Variants in OTOA observed in about 807,000 individuals in gnomAD.
The protein encoded by OTOA is cancer/testis antigen 108.
Under a neutral mutation model 110.8 loss-of-function variants are expected in OTOA, and 70 were observed. The observed-to-expected ratio is 0.63, with a 90% CI of 0.52 to 0.77. OTOA has a LOEUF of 0.77. OTOA is among the 30% of genes least tolerant of loss of function. OTOA has a pLI of 0.00. For synonymous variants in OTOA, 373 were observed against 431.5 expected, an observed-to-expected ratio of 0.86 and a Z score of 1.68; for missense variants, 917 against 1,075.8, an observed-to-expected ratio of 0.85 and a Z score of 2.06.
chr16:21,685,216 C>T lies in OTOA; in HGVS notation c.268-14C>T. 6.2e-7 allele frequency: 1 copy of T among 1,610,956 alleles called. No individual in the cohort carries two copies. The highest frequency in any genetic ancestry group is 8.5e-7 in the Non-Finnish European group (1 of 1,178,154). ...TTTCTGTTCTCACCGACTCTCCCAA[C>T]ACCCCAAATACAGGCAGCCGTGGAA... On this transcript the variant is annotated splice_polypyrimidine_tract_variant and intron_variant, in intron 6 of 28. Transcript: ENST00000646100.
At chr16:21,684,452 C>T in intron 6 of OTOA, 2 of 1,543,904 alleles carry the variant, frequency 1.3e-6, no homozygotes. Context: ...TGCTCCTGCG[C>T]TGGTAGCTTG....
intron 8 of OTOA, among the ~76,000 whole-genome samples, chr16:21,690,560 T>C (rs1897809488): frequency 6.6e-6 from 1 of 152,196 alleles, no homozygotes; most frequent in South Asian, 2.1e-4. Flanking sequence ...TTCCATGGTA[T>C]ATATGTACCA....
chr16:21,710,214 A>C, intron 13 of OTOA, 111 bp downstream of exon 13: 1 of 1,177,486 alleles, frequency 8.5e-7, no homozygotes, highest in Non-Finnish European at 1.2e-6. Flanking sequence ...AAACAACATA[A>C]ATTTATTTCT....
chr16:21,738,757 C>G (rs1331324723), intron 22 of OTOA, among the ~76,000 whole-genome samples: 1 of 152,308 alleles, frequency 6.6e-6, no homozygotes, highest in Non-Finnish European at 1.5e-5. Context: ...TGTGGCAGGC[C>G]AAAACCTAAC....
intron 13 of OTOA, among the ~76,000 whole-genome samples, chr16:21,711,271 T>C (rs1898345901): frequency 6.6e-6 from 1 of 152,174 alleles, no homozygotes; most frequent in African/African-American, 2.4e-5. Context: ...ATGATGCTAT[T>C]TTATTCCAAT....
intron 2 of OTOA, 55 bp from the exon 3 acceptor site, chr16:21,678,860 G>C: frequency 6.3e-7 from 1 of 1,594,844 alleles, no homozygotes; most frequent in South Asian, 1.1e-5. Context: ...CATATTTGTA[G>C]TTTTGAAGGT....
At chr16:21,703,224 A>C (rs1898087470) in intron 11 of OTOA, among the ~76,000 whole-genome samples, 1 of 152,090 alleles carries the variant, frequency 6.6e-6, no homozygotes, top group Admixed American at 6.6e-5. Context: ...TTTCCTATTT[A>C]ACTGAAACAT....
chr16:21,722,606 A>G (rs1285535998), intron 17 of OTOA, among the ~76,000 whole-genome samples: 1 of 152,234 alleles, frequency 6.6e-6, no homozygotes, highest in South Asian at 2.1e-4. Flanking sequence ...GTATGTATAT[A>G]CCATAATTTA....
intron 20 of OTOA, among the ~76,000 whole-genome samples, chr16:21,728,755 T>C (rs1426452580): frequency 1.3e-5 from 2 of 151,814 alleles, no homozygotes; most frequent in Non-Finnish European, 2.9e-5. Context: ...CGCCCAGCTA[T>C]TTTTTGCATT....
At chr16:21,713,214 C>G (rs573441876) in intron 13 of OTOA, among the ~76,000 whole-genome samples, 13 of 152,334 alleles carry the variant, frequency 8.5e-5, no homozygotes, top group African/African-American at 3.1e-4. Context: ...ATCTACTCGC[C>G]TTGGCCTCCC....
At chr16:21,713,295 G>T (rs1265566665) in intron 13 of OTOA, among the ~76,000 whole-genome samples, 1 of 152,076 alleles carries the variant, frequency 6.6e-6, no homozygotes, top group African/African-American at 2.4e-5. Flanking sequence ...TTTAAAGCTG[G>T]GTTTGGTATG....
intron 17 of OTOA, among the ~76,000 whole-genome samples, chr16:21,722,396 C>A (rs1597843002): frequency 1.8e-5 from 1 of 56,652 alleles, no homozygotes; most frequent in Non-Finnish European, 4.3e-5. Flanking sequence ...TATAGTTAAG[C>A]TATATATAAC....
chr16:21,721,810 T>C (rs2141708664), intron 17 of OTOA, among the ~76,000 whole-genome samples: 1 of 152,228 alleles, frequency 6.6e-6, no homozygotes, highest in South Asian at 2.1e-4. Flanking sequence ...GAGGATCACT[T>C]GAACCTGGGA....
intron 11 of OTOA, chr16:21,704,875 C>G: frequency 2.6e-6 from 2 of 772,284 alleles, no homozygotes; most frequent in African/African-American, 1.7e-5. Flanking sequence ...GAGGTGTGAT[C>G]TGATTGGATC....
intron 5 of OTOA, among the ~76,000 whole-genome samples, chr16:21,680,235 C>T (rs899793054): frequency 6.7e-5 from 10 of 149,632 alleles, no homozygotes; most frequent in Admixed American, 2.0e-4. Flanking sequence ...GATTACAGGC[C>T]GGGCGCGGTG....
chr16:21,700,774 C>G, intron 10 of OTOA, 114 bp from the exon 11 acceptor site: 2 of 1,229,254 alleles, frequency 1.6e-6, no homozygotes, highest in Non-Finnish European at 2.4e-6. Flanking sequence ...CAATGAGAAC[C>G]AGGAGGTGTA....
At chr16:21,705,540 T>A in intron 12 of OTOA, 5 of 545,844 alleles carry the variant, frequency 9.2e-6, no homozygotes, top group Non-Finnish European at 1.3e-5. Context: ...CCAGGCGCGG[T>A]GGCTCATGCC....
chr16:21,694,350 G>A, intron 9 of OTOA, among the ~76,000 whole-genome samples: 1 of 152,066 alleles, frequency 6.6e-6, no homozygotes, highest in African/African-American at 2.4e-5. Flanking sequence ...GCTGAGGGGG[G>A]GAGGATCCCT....
chr16:21,711,031 A>C (rs1419291499), intron 13 of OTOA, among the ~76,000 whole-genome samples: 1 of 151,966 alleles, frequency 6.6e-6, no homozygotes, highest in African/African-American at 2.4e-5. Flanking sequence ...ACAACAACAA[A>C]TCAGTAGCAC....
Sources: allele counts gnomAD v4.1 joint callset (sites outside exome capture counted in the v4.1 genomes callset), GRCh38; gene constraint gnomAD v4.1.1; transcripts MANE v1.5; gene names NCBI Gene and HGNC (gene_info 2026-07-23, HGNC 2026-07-21).